CNTN4: variants seen among roughly 807,000 people sequenced by gnomAD.
The protein encoded by CNTN4 is contactin-4.
In CNTN4, 77 loss-of-function variants were observed where a neutral mutation model predicts 122.5. The observed-to-expected ratio is 0.63, with a 90% confidence interval of 0.52 to 0.76. CNTN4 has a LOEUF of 0.76. Among genes scored for constraint, CNTN4 ranks in the 30% least tolerant of loss-of-function variants. CNTN4 has a pLI of 0.00. For missense variants in CNTN4, 1,256 were observed against 1,259.1 expected, an observed-to-expected ratio of 1.00 and a Z score of 0.04; for synonymous variants, 512 against 447.0, an observed-to-expected ratio of 1.15 and a Z score of -1.83.
rs369680620 is a variant in CNTN4 at position 2,866,889 on chromosome 3, A to G, written c.592A>G (p.Asn198Asp). The change falls in exon 8 of 25, where the codon AAT (asparagine) becomes GAT (aspartate). Residue 198 changes from asparagine to aspartate, a missense_variant. Transcript: ENST00000418658. ...DVGNYTCVVTNTVTNHKVLGP... is the reference protein window; with the variant it reads ...DVGNYTCVVTDTVTNHKVLGP... ...TGGGAATTATACCTGTGTGGTTACC[A>G]ATACCGTGACAAACCACAAGGTCCT... is the stretch of plus-strand genomic sequence containing the variant. 2 of 1,613,898 alleles carry G rather than the reference A, an allele frequency of 1.2e-6. No homozygotes were observed. Among genetic ancestry groups the G allele is most frequent in the Non-Finnish European group, 1.7e-6 (2 of 1,179,908 alleles).
intron 13 of CNTN4, among the ~76,000 whole-genome samples, chr3:2,967,585 G>A (rs1213591614): frequency 6.6e-6 from 1 of 152,148 alleles, no homozygotes; most frequent in Non-Finnish European, 1.5e-5. Context: ...ATGCCCAGGA[G>A]TGAACAAGGA....
chr3:2,461,394 A>G (rs1372979316), intron 3 of CNTN4, among the ~76,000 whole-genome samples: 3 of 152,144 alleles, frequency 2.0e-5, no homozygotes, highest in African/African-American at 7.2e-5. Flanking sequence ...ATCTCAGTGA[A>G]TTTTCACACT....
intron 4 of CNTN4, among the ~76,000 whole-genome samples, chr3:2,633,069 C>A (rs574714253): frequency 6.6e-6 from 1 of 151,244 alleles, no homozygotes; most frequent in Admixed American, 6.6e-5. Context: ...ATCTGCCTTT[C>A]GCTTCAAGTT....
chr3:2,365,180 C>A (rs979823937), intron 3 of CNTN4, among the ~76,000 whole-genome samples: 3 of 152,060 alleles, frequency 2.0e-5, no homozygotes, highest in African/African-American at 7.2e-5. Flanking sequence ...TATCCAGGAT[C>A]TCTTTTCTTC....
At position 2,253,957 on chromosome 3, in the gene CNTN4, G is replaced by C. The variant is rs568134780; in HGVS notation, c.-144-85221G>C. The stretch of plus-strand genomic sequence containing the variant: ...CAGAACATGCAGGTTTGTTACATAG[G>C]TATACACGTGCCATGTTGGCGTGCT... On this transcript the variant is annotated intron_variant, in intron 2 of 24. Transcript: ENST00000418658. Among the ~76,000 whole-genome samples the C allele has an allele frequency of 1.1e-4, 16 of 152,088 alleles. No homozygotes were observed. In the South Asian group the frequency reaches 3.3e-3, roughly 32 times the overall value.
At chr3:2,671,811 C>T (rs542422203) in intron 4 of CNTN4, among the ~76,000 whole-genome samples, 179 of 152,320 alleles carry the variant, frequency 1.2e-3, no homozygotes, top group Non-Finnish European at 2.3e-3. Context: ...AGTTTTCCTC[C>T]TAACAGCAAG....
At chr3:2,099,777 C>G (rs1025150029) in intron 1 of CNTN4, 2 of 152,310 alleles carry the variant, frequency 1.3e-5, no homozygotes, top group Non-Finnish European at 1.5e-5. Flanking sequence ...CGGGCCCAGA[C>G]GGCGGCGAAC....
At chr3:2,768,154 C>T (rs184066702) in intron 6 of CNTN4, among the ~76,000 whole-genome samples, 1 of 152,146 alleles carries the variant, frequency 6.6e-6, no homozygotes, top group Non-Finnish European at 1.5e-5. Flanking sequence ...AATTAAACAT[C>T]ACAAATGTAT....
intron 3 of CNTN4, among the ~76,000 whole-genome samples, chr3:2,556,656 A>C (rs888184893): frequency 2.0e-5 from 3 of 149,714 alleles, no homozygotes; most frequent in African/African-American, 5.0e-5. Flanking sequence ...ACATACACAC[A>C]CAAACATATA....
chr3:2,948,299 G>A (rs909425884), intron 13 of CNTN4, among the ~76,000 whole-genome samples: 4 of 152,124 alleles, frequency 2.6e-5, no homozygotes, highest in African/African-American at 7.2e-5. Flanking sequence ...CCTACAATAC[G>A]TTCAAGCCTA....
At chr3:2,550,998 T>C (rs929142846) in intron 3 of CNTN4, among the ~76,000 whole-genome samples, 4 of 152,050 alleles carry the variant, frequency 2.6e-5, no homozygotes, top group Admixed American at 6.6e-5. Context: ...AAATACCTAA[T>C]GTAGATGACA....
chr3:2,837,967 C>T (rs575624959), intron 7 of CNTN4, among the ~76,000 whole-genome samples: 2 of 152,298 alleles, frequency 1.3e-5, no homozygotes, highest in Admixed American at 1.3e-4. Flanking sequence ...TAAGTCATCT[C>T]ATCATGTACT....
intron 3 of CNTN4, among the ~76,000 whole-genome samples, chr3:2,395,664 C>T (rs891620054): frequency 4.6e-5 from 7 of 152,174 alleles, no homozygotes; most frequent in South Asian, 2.1e-4. Flanking sequence ...GTGCACCCAG[C>T]GTCTAGCTCC....
At chr3:2,795,640 C>T (rs2092150600) in intron 6 of CNTN4, among the ~76,000 whole-genome samples, 1 of 151,898 alleles carries the variant, frequency 6.6e-6, no homozygotes, top group East Asian at 1.9e-4. Flanking sequence ...CCTGCCTCAG[C>T]CTCCTGAGTA....
intron 3 of CNTN4, among the ~76,000 whole-genome samples, chr3:2,489,802 C>G (rs1325749129): frequency 6.6e-6 from 1 of 152,160 alleles, no homozygotes; most frequent in Non-Finnish European, 1.5e-5. Context: ...TCCTTTCTTT[C>G]TACTTTCCTC....
chr3:2,986,532 G>A (rs1375187025), intron 13 of CNTN4, among the ~76,000 whole-genome samples: 1 of 152,184 alleles, frequency 6.6e-6, no homozygotes, highest in Non-Finnish European at 1.5e-5. Context: ...CAGGAAGACT[G>A]TAGCTTCTCC....
intron 3 of CNTN4, among the ~76,000 whole-genome samples, chr3:2,394,864 G>A (rs952731156): frequency 2.1e-5 from 3 of 139,660 alleles, no homozygotes; most frequent in Non-Finnish European, 4.5e-5. Flanking sequence ...TCGACTGACT[G>A]CAACCTCTGC....
intron 3 of CNTN4, among the ~76,000 whole-genome samples, chr3:2,471,252 C>A (rs144490322): frequency 6.6e-6 from 1 of 152,080 alleles, no homozygotes; most frequent in Non-Finnish European, 1.5e-5. Context: ...ATTGACAGAA[C>A]CAGTATTTAT....
intron 3 of CNTN4, among the ~76,000 whole-genome samples, chr3:2,489,719 G>A (rs773583124): frequency 4.6e-5 from 7 of 152,168 alleles, no homozygotes; most frequent in Non-Finnish European, 1.0e-4. Flanking sequence ...AGGGTGTGAT[G>A]CTTCTGCTTA....
Sources: gnomAD v4.1 joint callset for allele counts (sites outside exome capture counted in the v4.1 genomes callset) on GRCh38, gnomAD v4.1.1 for gene constraint, MANE v1.5 for transcripts, NCBI Gene and HGNC (gene_info 2026-07-23, HGNC 2026-07-21) for gene names.